Variants in SYTL5 observed in about 807,000 individuals in gnomAD.
SYTL5 encodes synaptotagmin like 5.
In SYTL5, 34 loss-of-function variants were observed where a neutral mutation model predicts 55.9. The ratio of observed to expected loss-of-function variants is 0.61; its 90% CI spans 0.46 to 0.81. The LOEUF is 0.81. Among genes scored for constraint, SYTL5 ranks in the 30% least tolerant of loss-of-function variants. SYTL5 has a pLI of 0.00. For synonymous variants in SYTL5, 221 were observed against 188.7 expected (o/e 1.17, Z -1.40); for missense variants, 637 against 546.7 (o/e 1.17, Z -1.65).
At chrX:37,934,510 GAA>G in the SYTL5 span, among the ~76,000 whole-genome samples, 85 of 99,038 alleles carry the variant, frequency 8.6e-4, 1 homozygote, top group South Asian at 0.036. Flanking sequence ...CTGAGGAGCA[GAA>G]AAAAAAAAGA....
chrX:38,106,856 C>T, intron 11 of SYTL5, 85 bp downstream of exon 11: 1 of 808,550 alleles, frequency 1.2e-6, no homozygotes, highest in Non-Finnish European at 1.7e-6. Context: ...AGAGTCTTAG[C>T]ATTCTTCTTG....
chrX:37,903,700 TA>T, the SYTL5 span, among the ~76,000 whole-genome samples: 3,582 of 110,867 alleles, frequency 0.032, 57 homozygotes, highest in South Asian at 0.067. Context: ...TAAAGTATAA[TA>T]AAAAATAAAT....
chrX:37,889,364 G>T, the SYTL5 span, among the ~76,000 whole-genome samples: 1 of 111,180 alleles, frequency 9.0e-6, no homozygotes, highest in Non-Finnish European at 1.9e-5. Flanking sequence ...TGTGGCCAGG[G>T]CTCTTTCATA....
At chrX:37,912,438 G>A in the SYTL5 span, among the ~76,000 whole-genome samples, 1 of 112,082 alleles carries the variant, frequency 8.9e-6, no homozygotes, top group Non-Finnish European at 1.9e-5. Context: ...AACCTGGTCA[G>A]AGTGTCTGGT....
At chrX:38,044,565 T>G (rs1935402295) in intron 2 of SYTL5, among the ~76,000 whole-genome samples, 1 of 112,194 alleles carries the variant, frequency 8.9e-6, no homozygotes, top group Non-Finnish European at 1.9e-5. Context: ...TCAGTTTTTT[T>G]GTATGAATGC....
chrX:38,099,245 G>T (rs1937021002), intron 9 of SYTL5, among the ~76,000 whole-genome samples: 1 of 110,746 alleles, frequency 9.0e-6, no homozygotes, highest in Non-Finnish European at 1.9e-5. Context: ...AGTTATAAGG[G>T]TTCATTATGC....
chrX:37,917,722 G>GT, the SYTL5 span, among the ~76,000 whole-genome samples: 2 of 111,270 alleles, frequency 1.8e-5, no homozygotes, highest in African/African-American at 3.3e-5. Flanking sequence ...TGTTACTGAT[G>GT]TTTTTTTCAG....
chrX:37,977,700 TCACACACA>T, the SYTL5 span, among the ~76,000 whole-genome samples: 7,185 of 82,442 alleles, frequency 0.087, 388 homozygotes, highest in African/African-American at 0.19. Flanking sequence ...GGACCAATGA[TCACACACA>T]CACACACACA....
chrX:37,959,837 T>C, the SYTL5 span, among the ~76,000 whole-genome samples: 1 of 112,037 alleles, frequency 8.9e-6, no homozygotes, highest in Non-Finnish European at 1.9e-5. Flanking sequence ...GCTGTGGCTC[T>C]ACCCTGTGAC....
chrX:37,971,062 C>T, the SYTL5 span, among the ~76,000 whole-genome samples: 2 of 111,915 alleles, frequency 1.8e-5, no homozygotes, highest in Admixed American at 9.5e-5. Context: ...GACTAGTCTT[C>T]CTTTTTTTCT....
intron 6 of SYTL5, among the ~76,000 whole-genome samples, chrX:38,079,610 C>T (rs1936476318): frequency 8.9e-6 from 1 of 111,781 alleles, no homozygotes; most frequent in Non-Finnish European, 1.9e-5. Context: ...AGAAACAGAC[C>T]CCTAGACAAG....
upstream of SYTL5, among the ~76,000 whole-genome samples, chrX:38,005,380 C>A (rs939928697): frequency 9.0e-6 from 1 of 111,173 alleles, no homozygotes; most frequent in Non-Finnish European, 1.9e-5. Flanking sequence ...GAAACAGACC[C>A]AAAAATGTCC....
At chrX:38,113,846 A>T (rs1435701524) in intron 13 of SYTL5, among the ~76,000 whole-genome samples, 1 of 111,376 alleles carries the variant, frequency 9.0e-6, no homozygotes, top group Non-Finnish European at 1.9e-5. Flanking sequence ...TGGGTATTTA[A>T]GTCTCCTGGG....
the SYTL5 span, among the ~76,000 whole-genome samples, chrX:37,963,429 C>G: frequency 0.02 from 2,189 of 109,732 alleles, 60 homozygotes; most frequent in African/African-American, 0.068. Context: ...GCTGGGACTA[C>G]AGGCATGTGC....
chrX:37,925,422 A>G, the SYTL5 span, among the ~76,000 whole-genome samples: 3 of 111,255 alleles, frequency 2.7e-5, no homozygotes, highest in African/African-American at 6.5e-5. Flanking sequence ...GCTGGAGCAT[A>G]TGATAGTTCT....
the SYTL5 span, among the ~76,000 whole-genome samples, chrX:37,940,479 T>TA: frequency 0.047 from 3,871 of 81,570 alleles, 134 homozygotes; most frequent in African/African-American, 0.1. Flanking sequence ...AGACTCCATC[T>TA]AAAAAAAAAA....
At chrX:37,917,889 A>G in the SYTL5 span, among the ~76,000 whole-genome samples, 1 of 112,103 alleles carries the variant, frequency 8.9e-6, no homozygotes, top group African/African-American at 3.2e-5. Flanking sequence ...AGAATTCTTA[A>G]TTCAGTTACT....
chrX:38,094,805 G>T (rs1046347733), intron 8 of SYTL5, among the ~76,000 whole-genome samples: 2 of 111,650 alleles, frequency 1.8e-5, no homozygotes, highest in Admixed American at 1.9e-4. Flanking sequence ...GTAGTCAGAA[G>T]TTCCCTACAT....
chrX:37,966,547 C>A, the SYTL5 span, among the ~76,000 whole-genome samples: 1 of 105,145 alleles, frequency 9.5e-6, no homozygotes, highest in African/African-American at 3.5e-5. Context: ...AAGCGATTCT[C>A]CTGCCTCAGC....
Sources: allele counts gnomAD v4.1 joint callset (sites outside exome capture counted in the v4.1 genomes callset), GRCh38; gene constraint gnomAD v4.1.1; transcripts MANE v1.5; gene names NCBI Gene and HGNC (gene_info 2026-07-23, HGNC 2026-07-21).